The following ARID4A variants were observed in gnomAD, a reference collection of about 807,000 sequenced individuals.
ARID4A encodes the protein AT-rich interactive domain-containing protein 4A.
Under a neutral mutation model 148.6 loss-of-function variants are expected in ARID4A, and 39 were observed. That is an observed-to-expected ratio of 0.26 (90% CI 0.20 to 0.34). The LOEUF is 0.34. Among genes scored for constraint, ARID4A ranks in the 10% least tolerant of loss-of-function variants. The pLI is 1.00. For missense variants in ARID4A, 1,265 were observed against 1,449.1 expected, an observed-to-expected ratio of 0.87 and a Z score of 2.06; for synonymous variants, 475 against 481.2, an observed-to-expected ratio of 0.99 and a Z score of 0.17.
intron 5 of ARID4A, among the ~76,000 whole-genome samples, chr14:58,308,030 A>G (rs923965338): frequency 6.6e-6 from 1 of 152,132 alleles, no homozygotes; most frequent in Non-Finnish European, 1.5e-5. Flanking sequence ...TAAAATGCGC[A>G]TGCTCTATAG....
chr14:58,331,075 A>T (rs1219039170), intron 11 of ARID4A, among the ~76,000 whole-genome samples: 1 of 152,220 alleles, frequency 6.6e-6, no homozygotes, highest in Non-Finnish European at 1.5e-5. Flanking sequence ...GAATTTATGA[A>T]ATGAAACGAG....
intron 23 of ARID4A, chr14:58,369,974 G>A (rs769138307): frequency 4.6e-5 from 7 of 152,204 alleles, no homozygotes; most frequent in Non-Finnish European, 1.0e-4. Context: ...ATCATGTTGA[G>A]AGAAGTTTTC....
intron 12 of ARID4A, 45 bp from the exon 13 acceptor site, chr14:58,346,366 C>A: frequency 7.3e-7 from 1 of 1,375,262 alleles, no homozygotes; most frequent in South Asian, 1.3e-5. Context: ...ATTAGTATTT[C>A]TCATTTGAAT....
chr14:58,322,249 T>C (rs10139833), intron 7 of ARID4A, among the ~76,000 whole-genome samples: 110,333 of 151,866 alleles, frequency 0.73, 40,616 homozygotes, highest in Middle Eastern at 0.88. Flanking sequence ...AGATTACAGG[T>C]GTGAACCACT....
chr14:58,301,519 C>G, intron 2 of ARID4A, 61 bp from the exon 3 acceptor site: 1 of 1,163,078 alleles, frequency 8.6e-7, no homozygotes, highest in Non-Finnish European at 1.3e-6. Flanking sequence ...TTTAATGAGA[C>G]TTGAGGTTGG....
chr14:58,334,684 C>G (rs1030388903), intron 11 of ARID4A, among the ~76,000 whole-genome samples: 1 of 152,126 alleles, frequency 6.6e-6, no homozygotes, highest in Non-Finnish European at 1.5e-5. Context: ...GCTCAAGGCA[C>G]AATTGATAGT....
intron 12 of ARID4A, among the ~76,000 whole-genome samples, chr14:58,345,200 C>T (rs1335552107): frequency 6.6e-6 from 1 of 152,028 alleles, no homozygotes; most frequent in Non-Finnish European, 1.5e-5. Flanking sequence ...TTAAATAAAT[C>T]CTAGAATCAG....
At chr14:58,371,070 ACT>A (rs2035590412) in intron 23 of ARID4A, among the ~76,000 whole-genome samples, 1 of 152,122 alleles carries the variant, frequency 6.6e-6, no homozygotes, top group African/African-American at 2.4e-5. Context: ...CAGGAAGATC[ACT>A]TGAGTCCAGG....
chr14:58,346,641 T>G, intron 13 of ARID4A, 136 bp downstream of exon 13: 1 of 630,352 alleles, frequency 1.6e-6, no homozygotes, highest in Non-Finnish European at 2.5e-6. Flanking sequence ...TAAAGATCTT[T>G]TCCTGGCCAG....
At chr14:58,335,024 T>A (rs534299616) in intron 11 of ARID4A, among the ~76,000 whole-genome samples, 1 of 152,290 alleles carries the variant, frequency 6.6e-6, no homozygotes, top group Admixed American at 6.5e-5. Flanking sequence ...CTCACTGTAG[T>A]GTGTCTTGAT....
chr14:58,365,128 A>G lies in ARID4A; in HGVS notation c.3039A>G (p.Gln1013=). 2 of 1,614,166 alleles carry G rather than the reference A, an allele frequency of 1.2e-6. No homozygotes were observed. The highest frequency in any genetic ancestry group is 1.7e-6 in the Non-Finnish European group (2 of 1,180,000). The change falls in exon 20 of 24, where the codon CAA becomes CAG. Residue 1013 remains glutamine (Q), a synonymous_variant. Transcript: ENST00000355431. ...FSVASPLTLS[Q]DESRSVKSES... ...TAGCTTCACCACTTACTCTTAGTCA[A>G]GATGAGTCTCGAAGCGTAAAAAGTG...
intron 22 of ARID4A, 102 bp from the exon 23 acceptor site, chr14:58,366,781 A>C: frequency 1.1e-6 from 1 of 911,148 alleles, no homozygotes; most frequent in Non-Finnish European, 1.6e-6. Context: ...TTAATAAACT[A>C]AAGCTTTTGT....
At chr14:58,350,739 G>T (rs959707232) in intron 15 of ARID4A, among the ~76,000 whole-genome samples, 1 of 152,024 alleles carries the variant, frequency 6.6e-6, no homozygotes, top group Non-Finnish European at 1.5e-5. Context: ...TATTATAGTC[G>T]AGAAATAATA....
chr14:58,373,275 C>T lies in ARID4A; in HGVS notation c.*1286C>T, dbSNP rs545385914. 7 of 196,512 alleles carry T rather than the reference C, an allele frequency of 3.6e-5. No individual in the cohort carries two copies. Among genetic ancestry groups the T allele is most frequent in the African/African-American group, 4.6e-5 (2 of 43,248 alleles). 12.2% of individuals were successfully genotyped at this position (196,512 alleles called of 1,614,324 possible). ...TATGCTTTGTCTGTGAATTGTTCCACAGACTGATAGATTTTGTAAATAATT... is the reference window on the plus strand; with the variant it reads ...TATGCTTTGTCTGTGAATTGTTCCATAGACTGATAGATTTTGTAAATAATT... On this transcript the variant is annotated 3_prime_UTR_variant, in exon 24 of 24. Coordinates refer to ENST00000355431, the MANE Select transcript of ARID4A (RefSeq NM_002892.4).
chr14:58,369,864 G>C (rs1220562209), intron 23 of ARID4A, among the ~76,000 whole-genome samples: 3 of 152,124 alleles, frequency 2.0e-5, no homozygotes, highest in South Asian at 4.1e-4. Context: ...AGCAGACCTA[G>C]AAAGCAACTA....
At chr14:58,349,252 A>G (rs2034519286) in intron 15 of ARID4A, among the ~76,000 whole-genome samples, 1 of 152,142 alleles carries the variant, frequency 6.6e-6, no homozygotes, top group African/African-American at 2.4e-5. Context: ...TCATTACCTA[A>G]AAACCTTCCT....
chr14:58,358,426 C>T (rs188883241), intron 17 of ARID4A, among the ~76,000 whole-genome samples: 1 of 152,224 alleles, frequency 6.6e-6, no homozygotes, highest in East Asian at 1.9e-4. Flanking sequence ...GAGATGGCAC[C>T]ACTGCATGTC....
intron 5 of ARID4A, among the ~76,000 whole-genome samples, chr14:58,317,057 G>A (rs1481345850): frequency 5.3e-5 from 8 of 150,014 alleles, no homozygotes; most frequent in African/African-American, 7.3e-5. Context: ...GCCGGGCGTG[G>A]TGACGTGTGC....
intron 12 of ARID4A, among the ~76,000 whole-genome samples, chr14:58,345,848 A>G (rs2034339507): frequency 6.8e-6 from 1 of 147,456 alleles, no homozygotes; most frequent in South Asian, 2.1e-4. Context: ...CTCCCACCTC[A>G]GGCTCCCAAG....
Sources: allele counts gnomAD v4.1 joint callset (sites outside exome capture counted in the v4.1 genomes callset), GRCh38; gene constraint gnomAD v4.1.1; transcripts MANE v1.5; gene names NCBI Gene and HGNC (gene_info 2026-07-23, HGNC 2026-07-21).